The following MDGA2 variants were observed in gnomAD, a reference collection of about 807,000 sequenced individuals.
MDGA2 encodes the protein MAM domain containing glycosylphosphatidylinositol anchor 2.
Under a neutral mutation model 117.8 loss-of-function variants are expected in MDGA2, and 40 were observed. The ratio of observed to expected loss-of-function variants is 0.34; its 90% confidence interval spans 0.26 to 0.44. The LOEUF is 0.44. MDGA2 is among the 20% of genes least tolerant of loss of function. The pLI is 1.00. For missense variants in MDGA2, 1,123 were observed against 1,250.6 expected, an observed-to-expected ratio of 0.90 and a Z score of 1.54; for synonymous variants, 452 against 439.0, an observed-to-expected ratio of 1.03 and a Z score of -0.37.
chr14:47,663,992 T>C (rs559197929), intron 1 of MDGA2, among the ~76,000 whole-genome samples: 12 of 152,206 alleles, frequency 7.9e-5, no homozygotes, highest in African/African-American at 2.9e-4. Context: ...TAAGCATAAA[T>C]TTACCCATAA....
chr14:47,333,643 G>C (rs989001536), intron 1 of MDGA2, among the ~76,000 whole-genome samples: 9 of 151,502 alleles, frequency 5.9e-5, no homozygotes, highest in Admixed American at 5.3e-4. Context: ...ATCAACAATA[G>C]GCCACACAAC....
In MDGA2 at chr14:47,250,103, G is replaced by A. The variant is rs185832573; in HGVS notation, c.421-31908C>T. 1.9e-4 allele frequency among the ~76,000 whole-genome samples: 29 copies of A among 152,318 alleles called. No individual in the cohort carries two copies. The East Asian group carries it at 4.0e-3, about 21-fold the overall frequency. On this transcript the variant is annotated intron_variant, in intron 2 of 16. Coordinates refer to ENST00000399232, the MANE Select transcript of MDGA2 (RefSeq NM_001113498.3). ...GGAAAGGTCTTAATTCATTGTATCT[G>A]TAGTGTAGCTTGACATTAGATTAGA...
chr14:47,532,982 C>G (rs1302000123), intron 1 of MDGA2, among the ~76,000 whole-genome samples: 1 of 152,220 alleles, frequency 6.6e-6, no homozygotes, highest in Non-Finnish European at 1.5e-5. Flanking sequence ...ATGGCTGCAT[C>G]AGCCCTAGTT....
rs79477139 is a variant in MDGA2 at position 47,094,353 on chromosome 14, T to C, written c.1195+2501A>G. Among the ~76,000 whole-genome samples the C allele has an allele frequency of 9.1e-3, 1,380 of 152,100 alleles. 14 individuals carry two copies. Among genetic ancestry groups the C allele is most frequent in the Non-Finnish European group, 0.015 (985 of 67,926 alleles). On this transcript the variant is annotated intron_variant, in intron 6 of 16. Transcript: ENST00000399232. ...TTATTTCAGGTCTTTCATGTCAAAG[T>C]TGGAAACTTTCTTTTGTAAGGATAC...
intron 1 of MDGA2, among the ~76,000 whole-genome samples, chr14:47,469,567 G>T (rs1893677754): frequency 6.6e-6 from 1 of 151,966 alleles, no homozygotes; most frequent in Non-Finnish European, 1.5e-5. Context: ...TGGACATTTG[G>T]GTTGGTTCCA....
At chr14:47,344,285 A>G (rs1890714600) in intron 1 of MDGA2, among the ~76,000 whole-genome samples, 1 of 152,188 alleles carries the variant, frequency 6.6e-6, no homozygotes, top group Non-Finnish European at 1.5e-5. Context: ...CTGTTGTTAA[A>G]GACTGGCCAG....
At position 47,021,802 on chromosome 14, in the gene MDGA2, CAA is replaced by C. The variant is rs527439790; in HGVS notation, c.1819+13207_1819+13208del. 8.5e-5 allele frequency among the ~76,000 whole-genome samples: 13 copies of C among 152,266 alleles called. No homozygotes were observed. The South Asian group carries it at 2.3e-3, about 27-fold the overall frequency. On this transcript the variant is annotated intron_variant, in intron 8 of 16. Transcript: ENST00000399232. ...GAAAATTTGATGGTAGAAACAGACA[CAA>C]GTCACACAATTAAAATTGGCACTGC...
intron 3 of MDGA2, among the ~76,000 whole-genome samples, chr14:47,156,627 T>G (rs547444304): frequency 5.0e-4 from 76 of 152,334 alleles, no homozygotes; most frequent in African/African-American, 1.8e-3. Context: ...CCACAGGAGT[T>G]TATTCCACCA....
chr14:47,165,116 G>A (rs1294042786), intron 3 of MDGA2, among the ~76,000 whole-genome samples: 1 of 152,082 alleles, frequency 6.6e-6, no homozygotes, highest in African/African-American at 2.4e-5. Context: ...TGGGGGCAGG[G>A]GGTAGGGATA....
At chr14:47,618,731 C>A (rs1006788732) in intron 1 of MDGA2, among the ~76,000 whole-genome samples, 1 of 152,058 alleles carries the variant, frequency 6.6e-6, no homozygotes, top group East Asian at 1.9e-4. Context: ...GGAACATGAA[C>A]GAAATTAGAT....
At chr14:46,961,073 G>A (rs1885789606) in intron 8 of MDGA2, among the ~76,000 whole-genome samples, 2 of 151,950 alleles carry the variant, frequency 1.3e-5, no homozygotes, top group South Asian at 4.1e-4. Flanking sequence ...TTGGTGTAAA[G>A]AGGTCAACTC....
intron 6 of MDGA2, among the ~76,000 whole-genome samples, chr14:47,094,945 A>G (rs1879876469): frequency 6.6e-6 from 1 of 152,074 alleles, no homozygotes; most frequent in African/African-American, 2.4e-5. Flanking sequence ...AATATTTTAA[A>G]AATAAAAGTT....
intron 2 of MDGA2, among the ~76,000 whole-genome samples, chr14:47,297,183 C>T (rs2139797138): frequency 6.6e-6 from 1 of 152,070 alleles, no homozygotes; most frequent in South Asian, 2.1e-4. Context: ...AAAAATGGAA[C>T]ATGAACATAA....
chr14:47,547,969 C>A (rs1895496436), intron 1 of MDGA2, among the ~76,000 whole-genome samples: 2 of 151,862 alleles, frequency 1.3e-5, no homozygotes, highest in South Asian at 2.1e-4. Context: ...GTTCGCCCCT[C>A]CCCTGCTTTC....
At chr14:46,983,553 T>C (rs570728896) in intron 8 of MDGA2, among the ~76,000 whole-genome samples, 1 of 152,146 alleles carries the variant, frequency 6.6e-6, no homozygotes, top group African/African-American at 2.4e-5. Flanking sequence ...CAAGTGCCAC[T>C]GGAGAATTAA....
At chr14:47,101,710 C>T (rs1880335803) in intron 5 of MDGA2, among the ~76,000 whole-genome samples, 1 of 152,168 alleles carries the variant, frequency 6.6e-6, no homozygotes, top group African/African-American at 2.4e-5. Context: ...AGGATTCAGA[C>T]ATCATGCTCC....
At chr14:46,919,977 C>A in intron 10 of MDGA2, 35 bp downstream of exon 10, 2 of 1,536,012 alleles carry the variant, frequency 1.3e-6, no homozygotes, top group East Asian at 2.3e-5. Flanking sequence ...CACAGAGGAC[C>A]ACAAAGAAAA....
chr14:47,601,165 G>A (rs907229949), intron 1 of MDGA2, among the ~76,000 whole-genome samples: 3 of 152,036 alleles, frequency 2.0e-5, no homozygotes, highest in Admixed American at 6.6e-5. Context: ...TTGCTCTGTC[G>A]AATAAATACT....
chr14:47,367,377 A>G (rs1478203050), intron 1 of MDGA2, among the ~76,000 whole-genome samples: 1 of 152,222 alleles, frequency 6.6e-6, no homozygotes, highest in African/African-American at 2.4e-5. Flanking sequence ...TTAAGAGTTC[A>G]TGTAACCAAA....
Sources: allele counts gnomAD v4.1 joint callset (sites outside exome capture counted in the v4.1 genomes callset), GRCh38; gene constraint gnomAD v4.1.1; transcripts MANE v1.5; gene names NCBI Gene and HGNC (gene_info 2026-07-23, HGNC 2026-07-21).